The following C12orf42 variants were observed in gnomAD, a reference collection of about 807,000 sequenced individuals.
C12orf42 encodes chromosome 12 open reading frame 42.
C12orf42 carries 25 observed loss-of-function variants against 21.6 expected under a neutral mutation model. The observed-to-expected ratio is 1.16, with a 90% CI of 0.84 to 1.62. The LOEUF (loss-of-function observed/expected upper bound fraction) is 1.62. Among genes scored for constraint, C12orf42 ranks in the 40% most tolerant of loss-of-function variants. The probability of loss-of-function intolerance (pLI) is 0.00; values close to 1 mark genes in which losing one functional copy is unlikely to be tolerated. For synonymous variants in C12orf42, 174 were observed against 175.0 expected (o/e 0.99, Z 0.05); for missense variants, 483 against 459.3 (o/e 1.05, Z -0.47).
chr12:103,470,140 C>A (rs1259730592), intron 2 of C12orf42, among the ~76,000 whole-genome samples: 1 of 152,184 alleles, frequency 6.6e-6, no homozygotes, highest in Non-Finnish European at 1.5e-5. Context: ...AAGATAGAAC[C>A]TGCTTTAAAA....
intron 3 of C12orf42, among the ~76,000 whole-genome samples, chr12:103,401,126 A>C (rs746077492): frequency 6.6e-6 from 1 of 152,210 alleles, no homozygotes; most frequent in Non-Finnish European, 1.5e-5. Context: ...CGTAGGGACA[A>C]ACATTCACTT....
chr12:103,434,683 C>A (rs893459335), intron 2 of C12orf42, among the ~76,000 whole-genome samples: 2 of 152,198 alleles, frequency 1.3e-5, no homozygotes, highest in African/African-American at 4.8e-5. Context: ...GAATATTGCG[C>A]TTTTCGGACC....
At chr12:103,294,453 AG>A (rs1269770030) in intron 4 of C12orf42, among the ~76,000 whole-genome samples, 26 of 131,178 alleles carry the variant, frequency 2.0e-4, no homozygotes, top group African/African-American at 8.3e-4. Context: ...AAAGAAAGAA[AG>A]AAAGAAAGAA....
rs1240778902 is a variant in C12orf42, at chr12:103,257,989, TA to T, written c.*1366+5336del. Among the ~76,000 whole-genome samples, 3 of 152,040 alleles carry T rather than the reference TA, an allele frequency of 2.0e-5. No homozygotes were observed. In the East Asian group the frequency reaches 5.8e-4, roughly 29 times the overall value. ...AAAGTCACGTGACTTATAAAGAAAATAAAATTAGATTTCCACCAGACTTTTA... is the reference window on the plus strand; with the variant it reads ...AAAGTCACGTGACTTATAAAGAAAATAAATTAGATTTCCACCAGACTTTTA... On this transcript the variant is annotated intron_variant and NMD_transcript_variant, in intron 10 of 10. Coordinates refer to the C12orf42 transcript ENST00000547347.
the C12orf42 span, among the ~76,000 whole-genome samples, chr12:103,506,910 TA>T: frequency 1.5e-4 from 8 of 54,372 alleles, no homozygotes; most frequent in East Asian, 1.7e-3. Flanking sequence ...ATATATTATA[TA>T]TATATTTATA....
At chr12:103,173,739 ACTT>A in the C12orf42 span, among the ~76,000 whole-genome samples, 1 of 151,754 alleles carries the variant, frequency 6.6e-6, no homozygotes, top group Non-Finnish European at 1.5e-5. Context: ...CTTGATCCTC[ACTT>A]CTTCTTCTCC....
At chr12:103,452,894 G>A (rs1280166118) in intron 2 of C12orf42, among the ~76,000 whole-genome samples, 10 of 151,882 alleles carry the variant, frequency 6.6e-5, no homozygotes, top group Non-Finnish European at 1.0e-4. Context: ...GGGGAGCGGG[G>A]AGGGATAGCA....
At chr12:103,462,186 C>T (rs1013421272) in intron 2 of C12orf42, among the ~76,000 whole-genome samples, 1 of 134,732 alleles carries the variant, frequency 7.4e-6, no homozygotes, top group African/African-American at 2.8e-5. Flanking sequence ...CCACTCACTG[C>T]AACCTCCGCC....
intron 4 of C12orf42, among the ~76,000 whole-genome samples, chr12:103,348,632 C>A (rs2042840791): frequency 6.6e-6 from 1 of 152,144 alleles, no homozygotes; most frequent in East Asian, 1.9e-4. Flanking sequence ...CTCAGAAAAA[C>A]CTCCTGGAAC....
At chr12:103,318,355 C>T (rs1306666097) in intron 4 of C12orf42, among the ~76,000 whole-genome samples, 1 of 152,122 alleles carries the variant, frequency 6.6e-6, no homozygotes, top group Non-Finnish European at 1.5e-5. Context: ...TGTGCATGTA[C>T]CCTAGTTTCT....
At chr12:103,151,087 C>T in the C12orf42 span, among the ~76,000 whole-genome samples, 2 of 152,124 alleles carry the variant, frequency 1.3e-5, no homozygotes, top group South Asian at 2.1e-4. Flanking sequence ...GCCACCACGA[C>T]TGACTAATTT....
At chr12:103,137,144 A>T in the C12orf42 span, among the ~76,000 whole-genome samples, 1 of 152,218 alleles carries the variant, frequency 6.6e-6, no homozygotes, top group Non-Finnish European at 1.5e-5. Flanking sequence ...ACTAATATTC[A>T]AAATATATGA....
chr12:103,136,616 C>G, the C12orf42 span, among the ~76,000 whole-genome samples: 1 of 152,194 alleles, frequency 6.6e-6, no homozygotes, highest in Non-Finnish European at 1.5e-5. Context: ...AAGCATCAGA[C>G]TACCTGACTT....
At chr12:103,488,448 G>A (rs10861028) in intron 1 of C12orf42, among the ~76,000 whole-genome samples, 31,816 of 152,050 alleles carry the variant, frequency 0.21, 3,822 homozygotes, top group East Asian at 0.35. Context: ...CTCTTCTTGC[G>A]GAGTATCTTT....
chr12:103,150,385 G>C, the C12orf42 span, among the ~76,000 whole-genome samples: 1 of 152,186 alleles, frequency 6.6e-6, no homozygotes, highest in Admixed American at 6.5e-5. Context: ...TGATACTTGT[G>C]TTAAGAATAC....
intron 2 of C12orf42, among the ~76,000 whole-genome samples, chr12:103,438,526 A>G (rs1950930794): frequency 6.6e-6 from 1 of 152,036 alleles, no homozygotes; most frequent in South Asian, 2.1e-4. Context: ...TCAGCCCAAA[A>G]TCTCCTTAAG....
At chr12:103,523,189 A>G in the C12orf42 span, among the ~76,000 whole-genome samples, 1 of 152,232 alleles carries the variant, frequency 6.6e-6, no homozygotes, top group African/African-American at 2.4e-5. Context: ...AGTAGGTCCC[A>G]GTCACTTGGC....
chr12:103,065,339 G>A, the C12orf42 span, among the ~76,000 whole-genome samples: 3 of 152,194 alleles, frequency 2.0e-5, no homozygotes, highest in Non-Finnish European at 4.4e-5. Context: ...CACATCTCCT[G>A]GTACCTGGTA....
At chr12:103,154,856 C>T in the C12orf42 span, among the ~76,000 whole-genome samples, 2 of 152,072 alleles carry the variant, frequency 1.3e-5, no homozygotes, top group African/African-American at 2.4e-5. Context: ...AAAAGTGAGT[C>T]GAATTTATGG....
Sources: gnomAD v4.1 joint callset for allele counts (sites outside exome capture counted in the v4.1 genomes callset) on GRCh38, gnomAD v4.1.1 for gene constraint, MANE v1.5 for transcripts, NCBI Gene and HGNC (gene_info 2026-07-23, HGNC 2026-07-21) for gene names.